Variants in SLCO1C1 observed in about 807,000 individuals in gnomAD.
The protein encoded by SLCO1C1 is solute carrier organic anion transporter family member 1C1.
A neutral mutation model predicts 76.4 loss-of-function variants in SLCO1C1; 70 were observed. That is an observed-to-expected ratio of 0.92 (90% CI 0.76 to 1.12). The LOEUF (loss-of-function observed/expected upper bound fraction) is 1.12. Ranked by LOEUF, SLCO1C1 falls within the 50% of genes most tolerant of loss-of-function variation. The pLI is 0.00. For synonymous variants in SLCO1C1, 306 were observed against 286.1 expected, an observed-to-expected ratio of 1.07 and a Z score of -0.70; for missense variants, 912 against 823.8, an observed-to-expected ratio of 1.11 and a Z score of -1.31.
At chr12:20,700,266 G>A (rs546877404) in intron 2 of SLCO1C1, 2 of 151,906 alleles carry the variant, frequency 1.3e-5, no homozygotes, top group East Asian at 3.9e-4. Context: ...GCCAACAGAT[G>A]TGAAGTGATA....
intron 4 of SLCO1C1, among the ~76,000 whole-genome samples, chr12:20,708,519 C>T (rs1946900667): frequency 6.6e-6 from 1 of 151,944 alleles, no homozygotes; most frequent in Non-Finnish European, 1.5e-5. Flanking sequence ...GTTGCAGTAT[C>T]AAGTAGGGTA....
At chr12:20,724,826 TTA>T (rs1947882974) in intron 9 of SLCO1C1, among the ~76,000 whole-genome samples, 1 of 146,628 alleles carries the variant, frequency 6.8e-6, no homozygotes, top group African/African-American at 2.5e-5. Context: ...TAATAGTTAT[TTA>T]TAATACTATA....
chr12:20,721,659 T>G, intron 7 of SLCO1C1, 145 bp from the exon 8 acceptor site: 1 of 1,040,132 alleles, frequency 9.6e-7, no homozygotes, highest in Non-Finnish European at 1.3e-6. Flanking sequence ...TGTGGTAAGA[T>G]CCAGATAAAA....
intron 13 of SLCO1C1, among the ~76,000 whole-genome samples, chr12:20,749,623 A>G (rs1407561840): frequency 6.6e-6 from 1 of 152,228 alleles, no homozygotes; most frequent in East Asian, 1.9e-4. Context: ...TGCTTAAGAT[A>G]CTTTCGTTAA....
At chr12:20,711,327 T>C in intron 4 of SLCO1C1, 59 bp from the exon 5 acceptor site, 1 of 1,571,214 alleles carries the variant, frequency 6.4e-7, no homozygotes, top group Non-Finnish European at 8.7e-7. Context: ...AGCATACACA[T>C]AATATTCTTA....
At chr12:20,723,862 G>A (rs1479003438) in intron 9 of SLCO1C1, among the ~76,000 whole-genome samples, 1 of 151,862 alleles carries the variant, frequency 6.6e-6, no homozygotes, top group Non-Finnish European at 1.5e-5. Context: ...CTGTTTCAAG[G>A]CATAACATAT....
At chr12:20,705,895 G>A (rs1946748275) in intron 3 of SLCO1C1, 54 bp from the exon 4 acceptor site, 1 of 1,570,390 alleles carries the variant, frequency 6.4e-7, no homozygotes, top group South Asian at 1.1e-5. Context: ...CAGTTATGCT[G>A]TTGACTTCTT....
intron 7 of SLCO1C1, among the ~76,000 whole-genome samples, chr12:20,717,823 C>A (rs1433057066): frequency 6.6e-6 from 1 of 151,620 alleles, no homozygotes; most frequent in African/African-American, 2.4e-5. Flanking sequence ...TAGCTAATAA[C>A]TTGTTTCTAT....
At chr12:20,725,016 AT>A (rs954360969) in intron 9 of SLCO1C1, among the ~76,000 whole-genome samples, 19 of 141,552 alleles carry the variant, frequency 1.3e-4, no homozygotes, top group African/African-American at 4.8e-4. Flanking sequence ...TATATTTAAA[AT>A]ATCTAACATA....
intron 4 of SLCO1C1, among the ~76,000 whole-genome samples, chr12:20,709,438 A>T (rs996665049): frequency 6.6e-6 from 1 of 152,232 alleles, no homozygotes; most frequent in Non-Finnish European, 1.5e-5. Context: ...TAAAATAATG[A>T]AAAATTTTCA....
At chr12:20,725,761 A>G (rs1436371663) in intron 9 of SLCO1C1, among the ~76,000 whole-genome samples, 1 of 151,866 alleles carries the variant, frequency 6.6e-6, no homozygotes, top group African/African-American at 2.4e-5. Context: ...TACTCCTATT[A>G]GAAACGTAAG....
chr12:20,717,243 A>G lies in SLCO1C1; in HGVS notation c.775+13A>G, dbSNP rs1005766124. ...TTTGTAAACCTAGGTAAGGAAGTTT[A>G]TTTTTTATTTATTCATGTATTTTAG... On this transcript the variant is annotated intron_variant, in intron 7 of 14. Coordinates refer to ENST00000266509, the MANE Select transcript of SLCO1C1 (RefSeq NM_017435.5). 2 of 1,569,410 alleles carry G rather than the reference A, an allele frequency of 1.3e-6. No homozygotes were observed. The highest frequency in any genetic ancestry group is 2.8e-5 in the African/African-American group (2 of 72,060).
intron 4 of SLCO1C1, among the ~76,000 whole-genome samples, chr12:20,708,362 G>A (rs1946888472): frequency 6.6e-6 from 1 of 152,102 alleles, no homozygotes. Flanking sequence ...AAAGAGTAGT[G>A]ACAAAATAAT....
At position 20,753,090 on chromosome 12, in the gene SLCO1C1, C is replaced by A. The variant is rs965802723; in HGVS notation, c.*562C>A. 2.0e-5 allele frequency: 3 copies of A among 152,120 alleles called. No homozygotes were observed. The highest frequency in any genetic ancestry group is 2.0e-4 in the Admixed American group (3 of 15,270). 9.4% of individuals were successfully genotyped at this position (152,120 alleles called of 1,614,324 possible). On this transcript the variant is annotated 3_prime_UTR_variant, in exon 15 of 15. Transcript: ENST00000266509. ...CAATAATTTATATAGAAATGTGTAG[C>A]AGCAAATTATATTGGGGATTAGAAT...
chr12:20,711,340 A>G (rs1413591931), intron 4 of SLCO1C1, 46 bp from the exon 5 acceptor site: 7 of 1,589,188 alleles, frequency 4.4e-6, no homozygotes, highest in South Asian at 1.1e-5. Flanking sequence ...TATTCTTAGT[A>G]TGATGTTAAT....
chr12:20,710,139 A>T (rs1947000736), intron 4 of SLCO1C1, among the ~76,000 whole-genome samples: 1 of 151,146 alleles, frequency 6.6e-6, no homozygotes, highest in South Asian at 2.1e-4. Flanking sequence ...ATCAACTTGA[A>T]TATTTCAGTA....
chr12:20,701,505 C>T (rs367858857), intron 3 of SLCO1C1, 46 bp downstream of exon 3: 49 of 1,378,156 alleles, frequency 3.6e-5, no homozygotes, highest in Non-Finnish European at 4.7e-5. Flanking sequence ...CCAAGATCTT[C>T]TAGGTGTGGC....
intron 1 of SLCO1C1, 79 bp from the exon 2 acceptor site, chr12:20,699,473 G>C (rs1002517589): frequency 1.2e-5 from 14 of 1,162,212 alleles, no homozygotes; most frequent in South Asian, 3.8e-5. Flanking sequence ...CTATAGAATT[G>C]TGGTATACTG....
chr12:20,711,688 G>C (rs1032452792), intron 5 of SLCO1C1, among the ~76,000 whole-genome samples, 178 bp downstream of exon 5: 1 of 151,980 alleles, frequency 6.6e-6, no homozygotes, highest in East Asian at 1.9e-4. Flanking sequence ...TAGATCCTAA[G>C]AAAATATACC....
Sources: gnomAD v4.1 joint callset for allele counts (sites outside exome capture counted in the v4.1 genomes callset) on GRCh38, gnomAD v4.1.1 for gene constraint, MANE v1.5 for transcripts, NCBI Gene and HGNC (gene_info 2026-07-23, HGNC 2026-07-21) for gene names.